The following NKAIN3 variants were observed in gnomAD, a reference collection of about 807,000 sequenced individuals.
NKAIN3 encodes sodium/potassium transporting ATPase interacting 3.
NKAIN3 carries 25 observed loss-of-function variants against 30.2 expected under a neutral mutation model. The observed-to-expected ratio is 0.83, with a 90% CI of 0.60 to 1.16. NKAIN3 has a LOEUF of 1.16. Ranked by LOEUF, NKAIN3 falls within the 50% of genes most tolerant of loss-of-function variation. The pLI is 0.00. For missense variants in NKAIN3, 225 were observed against 254.1 expected, an observed-to-expected ratio of 0.89 and a Z score of 0.78; for synonymous variants, 91 against 89.6, an observed-to-expected ratio of 1.02 and a Z score of -0.09.
chr8:62,431,562 G>A (rs1291922529), intron 1 of NKAIN3, among the ~76,000 whole-genome samples: 1 of 151,794 alleles, frequency 6.6e-6, no homozygotes, highest in African/African-American at 2.4e-5. Context: ...TCATGTAAAA[G>A]CTTTTTTTGA....
At chr8:62,356,235 A>G (rs1012568558) in intron 1 of NKAIN3, among the ~76,000 whole-genome samples, 1 of 152,170 alleles carries the variant, frequency 6.6e-6, no homozygotes, top group African/African-American at 2.4e-5. Flanking sequence ...TTACTAAGAG[A>G]TGATCCTCAC....
chr8:62,294,160 A>G (rs1325922658), intron 1 of NKAIN3, among the ~76,000 whole-genome samples: 1 of 152,106 alleles, frequency 6.6e-6, no homozygotes, highest in Non-Finnish European at 1.5e-5. Context: ...GTAGGAAGGA[A>G]TTCTCTGACC....
At chr8:62,533,727 T>C (rs1808559130) in intron 1 of NKAIN3, among the ~76,000 whole-genome samples, 1 of 152,208 alleles carries the variant, frequency 6.6e-6, no homozygotes. Context: ...AAAAGTCCCA[T>C]GTATAAATTG....
At chr8:62,576,286 A>T (rs1810106595) in intron 1 of NKAIN3, among the ~76,000 whole-genome samples, 1 of 152,170 alleles carries the variant, frequency 6.6e-6, no homozygotes, top group Non-Finnish European at 1.5e-5. Flanking sequence ...TAATAATCTG[A>T]TCAGAAAATG....
intron 4 of NKAIN3, among the ~76,000 whole-genome samples, chr8:62,841,115 T>C (rs1321743772): frequency 1.3e-5 from 2 of 152,112 alleles, no homozygotes; most frequent in African/African-American, 4.8e-5. Context: ...GCTGTGATTA[T>C]AATTAAGGAC....
chr8:62,695,388 G>A (rs989412814), intron 3 of NKAIN3, among the ~76,000 whole-genome samples: 15 of 152,162 alleles, frequency 9.9e-5, no homozygotes, highest in Non-Finnish European at 2.2e-4. Context: ...CAGAGAGAAA[G>A]CCACGTGCAT....
chr8:62,883,457 G>GTTGTTTTTTTTTTTTTTTTTT lies in NKAIN3; in HGVS notation c.472-34994_472-34993insGTTTTTTTTTTTTTTTTTTTT. Among the ~76,000 whole-genome samples the GTTGTTTTTTTTTTTTTTTTTT allele has an allele frequency of 3.7e-4, 26 of 70,230 alleles. 2 individuals are homozygous for GTTGTTTTTTTTTTTTTTTTTT. The highest frequency in any genetic ancestry group is 9.1e-4 in the African/African-American group (13 of 14,302). 46.1% of individuals were successfully genotyped at this position (70,230 alleles called of 152,430 possible). ...TTTATTATTTCCAGGAGTTTTATGGGTTTTTTTTTTTTTTTTCAGATTTTC... is the reference window on the plus strand; with the variant it reads ...TTTATTATTTCCAGGAGTTTTATGGGTTGTTTTTTTTTTTTTTTTTTTTTTTTTTTTTTTTTTCAGATTTTC... On this transcript the variant is annotated intron_variant, in intron 4 of 6. Transcript: ENST00000623646.
At chr8:62,870,226 CTATATATAGATATCTATAGATATCTATA>C (rs1563603837) in intron 4 of NKAIN3, among the ~76,000 whole-genome samples, 1 of 136,632 alleles carries the variant, frequency 7.3e-6, no homozygotes, top group African/African-American at 2.6e-5. Flanking sequence ...ATATCTATAT[CTATATATAGATATCTATAGATATCTATA>C]TATATATCTA....
intron 4 of NKAIN3, among the ~76,000 whole-genome samples, chr8:62,805,067 T>C (rs1032731591): frequency 3.3e-5 from 5 of 152,016 alleles, no homozygotes; most frequent in African/African-American, 1.2e-4. Context: ...TCAAAGAGAA[T>C]AAAATACCTA....
intron 1 of NKAIN3, among the ~76,000 whole-genome samples, chr8:62,331,322 G>A (rs2129590025): frequency 6.6e-6 from 1 of 151,958 alleles, no homozygotes; most frequent in Non-Finnish European, 1.5e-5. Context: ...ACTGTGTGTT[G>A]CCTCTTCTTG....
chr8:62,303,259 C>T (rs1410219685), intron 1 of NKAIN3, among the ~76,000 whole-genome samples: 2 of 149,030 alleles, frequency 1.3e-5, no homozygotes, highest in Non-Finnish European at 1.5e-5. Context: ...TGGAATGATC[C>T]ACAGTGTGAG....
Position 62,413,999 on chromosome 8 carries a change from T to G in NKAIN3, c.54+164872T>G, listed in dbSNP as rs866834729. Among the ~76,000 whole-genome samples the G allele has an allele frequency of 1.2e-4, 19 of 152,296 alleles. No homozygotes were observed. The Middle Eastern group carries it at 0.01, about 82-fold the overall frequency. On this transcript the variant is annotated intron_variant, in intron 1 of 6. Transcript: ENST00000623646. ...AGATAATAAATTACTGATTAGTAAT[T>G]GAATAAATCAGCAATGACCAAAATC...
At chr8:62,387,370 G>T (rs1397103083) in intron 1 of NKAIN3, among the ~76,000 whole-genome samples, 1 of 151,722 alleles carries the variant, frequency 6.6e-6, no homozygotes, top group African/African-American at 2.4e-5. Context: ...AAAATACATG[G>T]TAGATTCAGC....
chr8:62,643,830 A>T (rs1434587880), intron 3 of NKAIN3, among the ~76,000 whole-genome samples: 1 of 152,026 alleles, frequency 6.6e-6, no homozygotes, highest in Non-Finnish European at 1.5e-5. Context: ...TGTTTTTTAT[A>T]TATAAGTTGT....
chr8:62,439,941 G>A (rs16928919), intron 1 of NKAIN3, among the ~76,000 whole-genome samples: 21,038 of 152,146 alleles, frequency 0.14, 1,758 homozygotes, highest in East Asian at 0.41. Context: ...TAATCGGTTA[G>A]GAAGCAGATA....
chr8:62,421,620 T>TCTCTC (rs1804643406), intron 1 of NKAIN3, among the ~76,000 whole-genome samples: 2 of 148,278 alleles, frequency 1.3e-5, no homozygotes, highest in African/African-American at 5.0e-5. Flanking sequence ...CTCTCTCTCT[T>TCTCTC]TCTCTCTCTC....
At chr8:62,359,776 C>T (rs1816487910) in intron 1 of NKAIN3, among the ~76,000 whole-genome samples, 2 of 152,200 alleles carry the variant, frequency 1.3e-5, no homozygotes, top group South Asian at 2.1e-4. Flanking sequence ...AGACAGCACA[C>T]TAATTGATGA....
chr8:62,731,337 ATAATACGGTAT>A (rs1563536042), intron 3 of NKAIN3, among the ~76,000 whole-genome samples: 1 of 152,096 alleles, frequency 6.6e-6, no homozygotes, highest in African/African-American at 2.4e-5. Context: ...TTTAATTTCA[ATAATACGGTAT>A]TTACATTTAT....
chr8:62,287,608 A>G (rs1322226699), intron 1 of NKAIN3, among the ~76,000 whole-genome samples: 2 of 152,146 alleles, frequency 1.3e-5, no homozygotes, highest in Non-Finnish European at 2.9e-5. Flanking sequence ...TGATTGTTGG[A>G]TTCTATTAGC....
Sources: allele counts gnomAD v4.1 joint callset (sites outside exome capture counted in the v4.1 genomes callset), GRCh38; gene constraint gnomAD v4.1.1; transcripts MANE v1.5; gene names NCBI Gene and HGNC (gene_info 2026-07-23, HGNC 2026-07-21).